Variants in CCDC175 observed in about 807,000 individuals in gnomAD.
CCDC175 encodes coiled-coil domain containing 175, also known as coiled-coil domain-containing protein 175.
In CCDC175, 100 loss-of-function variants were observed where a neutral mutation model predicts 114.6. The observed-to-expected ratio is 0.87, with a 90% CI of 0.74 to 1.03. The LOEUF (loss-of-function observed/expected upper bound fraction) is 1.03. Ranked by LOEUF, CCDC175 falls within the 50% of genes least tolerant of loss-of-function variation. CCDC175 has a pLI of 0.00. For missense variants in CCDC175, 880 were observed against 917.8 expected, an observed-to-expected ratio of 0.96 and a Z score of 0.53; for synonymous variants, 306 against 308.7, an observed-to-expected ratio of 0.99 and a Z score of 0.09.
rs1555343934 is a variant in CCDC175 at position 59,538,051 on chromosome 14, AT to A, written c.1594del (p.Met532CysfsTer2). 2 of 1,531,102 alleles carry A rather than the reference AT, an allele frequency of 1.3e-6. No homozygotes were observed. The highest frequency in any genetic ancestry group is 2.4e-5 in the South Asian group (2 of 83,622). The allele number at this position is 1,531,102 out of a possible 1,614,324, so 94.8% of individuals were successfully genotyped here. On this transcript the variant is annotated frameshift_variant, in exon 13 of 20. Coordinates refer to ENST00000537690, the MANE Select transcript of CCDC175 (RefSeq NM_001164399.2). LOFTEE classifies it high-confidence loss of function. ...EEKAFVNKEK[M>X]LMKELSKYEE... ...ATACTTGCTTAACTCTTTCATTAAC[AT>A]TTTTTCTTTGTTAACAAATGCTTTC...
rs1295328148 is a variant in CCDC175, at chr14:59,568,207, C to G, written c.491+38G>C. Reference sequence around the variant, plus strand: ...ACAATTTTCCCACTCCAGCCTCAGACCCCTGCTCCCTCAAATACTGAATAT... The same window carrying G: ...ACAATTTTCCCACTCCAGCCTCAGAGCCCTGCTCCCTCAAATACTGAATAT... On this transcript the variant is annotated intron_variant, in intron 4 of 19. Transcript: ENST00000537690. 5.3e-6 allele frequency: 8 copies of G among 1,505,778 alleles called. No homozygotes were observed. The East Asian group carries it at 2.0e-4, about 38-fold the overall frequency. 93.3% of individuals were successfully genotyped at this position (1,505,778 alleles called of 1,614,324 possible). A position where few individuals can be genotyped will look rare whatever the true frequency, so the allele number is the denominator to read the frequency against.
At chr14:59,515,323 C>G (rs970791056) in intron 17 of CCDC175, among the ~76,000 whole-genome samples, 4 of 152,220 alleles carry the variant, frequency 2.6e-5, no homozygotes, top group African/African-American at 9.6e-5. Context: ...ACAATATTAG[C>G]CTTAAATGTA....
Position 59,507,277 on chromosome 14 carries a change from A to T in CCDC175, c.2306-1962T>A, listed in dbSNP as rs192007233. Among the ~76,000 whole-genome samples the T allele has an allele frequency of 5.7e-3, 865 of 152,290 alleles. 6 individuals are homozygous for T. The highest frequency in any genetic ancestry group is 7.0e-3 in the Non-Finnish European group (477 of 68,018). ...GGAAGATATCCCTGTGTACTCCAAC[A>T]TCCAATAAGACACAGCTTTACCCTC... On this transcript the variant is annotated intron_variant, in intron 19 of 19. Coordinates refer to ENST00000537690, the MANE Select transcript of CCDC175 (RefSeq NM_001164399.2).
At chr14:59,553,728 T>G (rs1285320045) in intron 7 of CCDC175, among the ~76,000 whole-genome samples, 1 of 152,138 alleles carries the variant, frequency 6.6e-6, no homozygotes, top group African/African-American at 2.4e-5. Flanking sequence ...CCATCTCATA[T>G]GCAGAGACAC....
intron 7 of CCDC175, among the ~76,000 whole-genome samples, chr14:59,553,942 C>T (rs1195061694): frequency 6.6e-6 from 1 of 152,160 alleles, no homozygotes; most frequent in Non-Finnish European, 1.5e-5. Flanking sequence ...GCACCCAATA[C>T]AGGAGCACCC....
At chr14:59,548,805 A>T (rs758893375) in intron 8 of CCDC175, among the ~76,000 whole-genome samples, 2 of 152,214 alleles carry the variant, frequency 1.3e-5, no homozygotes, top group Non-Finnish European at 2.9e-5. Context: ...GATAGCTCAC[A>T]AAAGCAAAAA....
At position 59,538,103 on chromosome 14, in the gene CCDC175, G is replaced by C. The variant is rs1284488139; in HGVS notation, c.1543C>G (p.Leu515Val). 6.5e-7 allele frequency: 1 copy of C among 1,533,542 alleles called. No individual in the cohort carries two copies. The highest frequency in any genetic ancestry group is 8.7e-7 in the Non-Finnish European group (1 of 1,143,880). The allele number at this position is 1,533,542 out of a possible 1,614,324, so 95.0% of individuals were successfully genotyped here. A position where few individuals can be genotyped will look rare whatever the true frequency, so the allele number is the denominator to read the frequency against. The change falls in exon 13 of 20, where the codon CTT becomes GTT. Residue 515 changes from leucine to valine, a missense_variant. Coordinates refer to ENST00000537690, the MANE Select transcript of CCDC175 (RefSeq NM_001164399.2). ...TCCTCTTCTTTTAATTCTGTTGTAA[G>C]TTTTTCAATCTGTGCCACAAATCCA... ...ISGFVAQIEK[L>V]TTELKEEEKA...
chr14:59,521,531 G>A (rs375466869), intron 17 of CCDC175, 43 bp downstream of exon 17: 29 of 1,102,368 alleles, frequency 2.6e-5, no homozygotes, highest in Admixed American at 8.2e-5. Context: ...GTTCTGTCCC[G>A]CTAAAGAACC....
At chr14:59,531,354 A>G (rs1595011163) in intron 14 of CCDC175, among the ~76,000 whole-genome samples, 1 of 52,808 alleles carries the variant, frequency 1.9e-5, no homozygotes, top group African/African-American at 1.5e-4. Context: ...GAAGTTAGTG[A>G]AAAAAAAAAT....
rs776867675 is a variant in CCDC175 at position 59,521,588 on chromosome 14, A to G, written c.2084T>C (p.Leu695Pro). The G allele has an allele frequency of 5.0e-5, 76 of 1,529,674 alleles. No individual in the cohort carries two copies. Among genetic ancestry groups the G allele is most frequent in the Non-Finnish European group, 5.9e-5 (67 of 1,140,068 alleles). 94.8% of individuals were successfully genotyped at this position (1,529,674 alleles called of 1,614,324 possible). The stretch of plus-strand genomic sequence containing the variant: ...ACATTACTTACCCTCCTGAGCTATT[A>G]GTTGCCGAGACAAGTCGCTTGAGGT... ...MHTSSDLSRQ[L>P]IAQEAQYKDL... is the part of the protein sequence containing the mutation. The change falls in exon 17 of 20, where the codon CTA (leucine) becomes CCA (proline). Residue 695 changes from leucine to proline, a missense_variant. By Grantham distance (98) the Leu-to-Pro change is moderately conservative (BLOSUM62 -3). Transcript: ENST00000537690.
At chr14:59,526,394 T>C (rs1893736708) in intron 15 of CCDC175, among the ~76,000 whole-genome samples, 2 of 152,070 alleles carry the variant, frequency 1.3e-5, no homozygotes, top group African/African-American at 4.8e-5. Flanking sequence ...TCACTTGAGA[T>C]CAAGAGTTCG....
intron 8 of CCDC175, among the ~76,000 whole-genome samples, chr14:59,547,457 T>C (rs1895183536): frequency 6.6e-6 from 1 of 152,232 alleles, no homozygotes. Flanking sequence ...TAAAAACTCA[T>C]TTTAAAGGTA....
chr14:59,545,071 G>A, intron 9 of CCDC175, 92 bp downstream of exon 9: 1 of 1,219,618 alleles, frequency 8.2e-7, no homozygotes, highest in Admixed American at 2.8e-5. Flanking sequence ...TTAAAACTAG[G>A]ATAAGTTTAA....
At chr14:59,566,468 CA>C (rs1411568490) in intron 4 of CCDC175, among the ~76,000 whole-genome samples, 5 of 152,196 alleles carry the variant, frequency 3.3e-5, no homozygotes, top group African/African-American at 1.2e-4. Flanking sequence ...TCAAACTCCA[CA>C]AAAGAAATGC....
chr14:59,517,884 C>T (rs954305539), intron 17 of CCDC175, among the ~76,000 whole-genome samples: 1 of 152,096 alleles, frequency 6.6e-6, no homozygotes, highest in Non-Finnish European at 1.5e-5. Context: ...GCCAAAAGGA[C>T]AAAGCTGGAG....
intron 19 of CCDC175, among the ~76,000 whole-genome samples, chr14:59,507,117 T>G (rs1269750984): frequency 6.6e-6 from 1 of 152,164 alleles, no homozygotes; most frequent in African/African-American, 2.4e-5. Flanking sequence ...TAGTAATTAG[T>G]TTTCAGGAAG....
chr14:59,531,293 C>T (rs1436519256), intron 14 of CCDC175, among the ~76,000 whole-genome samples: 2 of 152,006 alleles, frequency 1.3e-5, no homozygotes, highest in East Asian at 1.9e-4. Context: ...TTCACGTCCT[C>T]TACTAACTCT....
At chr14:59,552,758 G>GAA (rs1355835666) in intron 7 of CCDC175, among the ~76,000 whole-genome samples, 2 of 152,184 alleles carry the variant, frequency 1.3e-5, no homozygotes, top group African/African-American at 4.8e-5. Context: ...AACCAGTGTA[G>GAA]AAAAGTCCTT....
At chr14:59,572,655 T>G in intron 3 of CCDC175, 47 bp downstream of exon 3, 1 of 1,027,050 alleles carries the variant, frequency 9.7e-7, no homozygotes, top group South Asian at 1.6e-5. Flanking sequence ...TACTTCATTC[T>G]GTTATAAGAT....
Sources: gnomAD v4.1 joint callset for allele counts (sites outside exome capture counted in the v4.1 genomes callset) on GRCh38, gnomAD v4.1.1 for gene constraint, MANE v1.5 for transcripts, NCBI Gene and HGNC (gene_info 2026-07-23, HGNC 2026-07-21) for gene names.